The following ARFIP1 variants were observed in gnomAD, a reference collection of about 807,000 sequenced individuals.
ARFIP1 encodes the protein arfaptin-1.
Under a neutral mutation model 42.5 loss-of-function variants are expected in ARFIP1, and 24 were observed. The ratio of observed to expected loss-of-function variants is 0.57; its 90% CI spans 0.41 to 0.80. The LOEUF is 0.80. Among genes scored for constraint, ARFIP1 ranks in the 30% least tolerant of loss-of-function variants. The pLI is 0.00. For missense variants in ARFIP1, 354 were observed against 434.0 expected, an observed-to-expected ratio of 0.82 and a Z score of 1.64; for synonymous variants, 141 against 153.7, an observed-to-expected ratio of 0.92 and a Z score of 0.61.
At position 152,819,003 on chromosome 4, in the gene ARFIP1, AC is replaced by A. The variant is rs1373096797; in HGVS notation, c.-9-10619del. Among the ~76,000 whole-genome samples, 12 of 152,068 alleles carry A rather than the reference AC, an allele frequency of 7.9e-5. No homozygotes were observed. The East Asian group carries it at 1.7e-3, about 22-fold the overall frequency. ...GGGAGCCAGAGAAAGGACTTGCCTG[AC>A]CCAGCCCCCACCCAGCTTTGCTCCT... On this transcript the variant is annotated intron_variant, in intron 1 of 8. Transcript: ENST00000353617.
intron 1 of ARFIP1, among the ~76,000 whole-genome samples, chr4:152,789,982 A>G (rs1046900452): frequency 1.3e-5 from 2 of 152,170 alleles, no homozygotes; most frequent in Non-Finnish European, 2.9e-5. Flanking sequence ...TTAGAAACCA[A>G]TATCTGGGCA....
intron 6 of ARFIP1, 44 bp from the exon 7 acceptor site, chr4:152,882,679 A>G (rs779665093): frequency 6.4e-7 from 1 of 1,565,356 alleles, no homozygotes; most frequent in South Asian, 1.1e-5. Flanking sequence ...AGTCACTTTT[A>G]CTGATTTATT....
intron 8 of ARFIP1, among the ~76,000 whole-genome samples, chr4:152,896,420 T>TA (rs1737331735): frequency 6.6e-6 from 1 of 152,062 alleles, no homozygotes; most frequent in South Asian, 2.1e-4. Flanking sequence ...TGCAGCTATT[T>TA]AAAAAAATGA....
At chr4:152,870,901 C>CT in intron 4 of ARFIP1, 53 bp downstream of exon 4, 1 of 1,429,228 alleles carries the variant, frequency 7.0e-7, no homozygotes, top group Non-Finnish European at 9.8e-7. Flanking sequence ...TGAAGCTACA[C>CT]TAATTTACTC....
At chr4:152,899,074 C>G (rs1207011897) in intron 8 of ARFIP1, among the ~76,000 whole-genome samples, 1 of 152,200 alleles carries the variant, frequency 6.6e-6, no homozygotes, top group Admixed American at 6.5e-5. Context: ...TCCAGCAGAT[C>G]TGGATACCTG....
intron 3 of ARFIP1, 96 bp downstream of exon 3, chr4:152,863,810 TTTCATTCTGTGATAAAACATTGATTATAA>T: frequency 1.4e-6 from 1 of 705,170 alleles, no homozygotes. Context: ...AATGGAGCCC[TTTCATTCTGTGATAAAACATTGATTATAA>T]ATGTATTCCT....
intron 5 of ARFIP1, among the ~76,000 whole-genome samples, chr4:152,879,200 T>C (rs1397661679): frequency 2.0e-5 from 3 of 152,102 alleles, no homozygotes; most frequent in Admixed American, 6.5e-5. Context: ...AAAAAAAGTT[T>C]ATAAGGCTCC....
chr4:152,907,863 T>C (rs911501980), intron 8 of ARFIP1, among the ~76,000 whole-genome samples: 8 of 152,236 alleles, frequency 5.3e-5, no homozygotes, highest in African/African-American at 1.9e-4. Flanking sequence ...ACATGTTTCA[T>C]GAAACACACA....
At chr4:152,843,774 C>T (rs1039170964) in intron 2 of ARFIP1, among the ~76,000 whole-genome samples, 8 of 152,188 alleles carry the variant, frequency 5.3e-5, no homozygotes, top group African/African-American at 1.7e-4. Flanking sequence ...TGTGCCCCCA[C>T]CAACAGCCCT....
At chr4:152,872,350 T>C (rs999267839) in intron 4 of ARFIP1, 102 bp from the exon 5 acceptor site, 2 of 751,426 alleles carry the variant, frequency 2.7e-6, no homozygotes, top group African/African-American at 3.7e-5. Context: ...TTTTTCTTTT[T>C]TTAGATGCAT....
At chr4:152,901,595 A>G (rs1006943587) in intron 8 of ARFIP1, among the ~76,000 whole-genome samples, 1 of 152,196 alleles carries the variant, frequency 6.6e-6, no homozygotes, top group African/African-American at 2.4e-5. Flanking sequence ...TGTTTCTGAT[A>G]TTAGGTTTTC....
intron 7 of ARFIP1, 90 bp from the exon 8 acceptor site, chr4:152,888,043 T>C (rs1297953718): frequency 6.3e-6 from 6 of 953,488 alleles, no homozygotes; most frequent in Non-Finnish European, 9.4e-6. Flanking sequence ...TATTGTATAG[T>C]ATGAGACTGA....
rs769693021 is a variant in ARFIP1, at chr4:152,872,454, G to A, written c.301G>A (p.Gly101Ser). 1.9e-6 allele frequency: 3 copies of A among 1,597,334 alleles called. No homozygotes were observed. In the South Asian group the frequency reaches 3.4e-5, roughly 18 times the overall value. Residue 101 changes from glycine (G) to serine (S), a missense_variant and splice_region_variant, in exon 5 of 9, where the codon GGC becomes AGC. Physicochemically the swap from Gly to Ser is moderately conservative, Grantham distance 56 (BLOSUM62 0). Transcript: ENST00000353617. ...QGSDLIVPAG[G>S]QRTQTKSGPV... Reference sequence around the variant, plus strand: ...TTTTATCTTTTGTTATCTTGCAGGTGGCCAGAGAACACAGACAAAAAGTGG... The same window carrying A: ...TTTTATCTTTTGTTATCTTGCAGGTAGCCAGAGAACACAGACAAAAAGTGG...
At chr4:152,785,217 G>T (rs1412908807) in intron 1 of ARFIP1, among the ~76,000 whole-genome samples, 1 of 152,190 alleles carries the variant, frequency 6.6e-6, no homozygotes, top group Non-Finnish European at 1.5e-5. Context: ...ATGTTACTCT[G>T]TTTAATACCT....
chr4:152,844,606 A>G (rs908921934), intron 2 of ARFIP1, among the ~76,000 whole-genome samples: 2 of 152,102 alleles, frequency 1.3e-5, no homozygotes, highest in Non-Finnish European at 1.5e-5. Flanking sequence ...TCAGTGGGCA[A>G]GCCTCCATAG....
chr4:152,905,495 A>AT (rs1180423720), intron 8 of ARFIP1, among the ~76,000 whole-genome samples: 4 of 120,076 alleles, frequency 3.3e-5, no homozygotes, highest in Non-Finnish European at 5.2e-5. Flanking sequence ...GTCTGTTCAA[A>AT]TTTTTTACCT....
intron 2 of ARFIP1, among the ~76,000 whole-genome samples, chr4:152,844,974 A>G (rs1342035055): frequency 1.3e-5 from 2 of 152,208 alleles, no homozygotes; most frequent in Non-Finnish European, 2.9e-5. Flanking sequence ...ATAAGGCTAT[A>G]GTAACCAAAA....
At chr4:152,795,820 A>ATGTTTTTTTTTTTTT (rs1731416494) in intron 1 of ARFIP1, among the ~76,000 whole-genome samples, 1 of 28,066 alleles carries the variant, frequency 3.6e-5, no homozygotes, top group Non-Finnish European at 6.2e-5. Context: ...GGCCCTTGTA[A>ATGTTTTTTTTTTTTT]TTTTTTTTTT....
chr4:152,893,993 G>A (rs1219779846), intron 8 of ARFIP1, among the ~76,000 whole-genome samples: 3 of 151,846 alleles, frequency 2.0e-5, no homozygotes, highest in Non-Finnish European at 2.9e-5. Flanking sequence ...CGAGGTGGAC[G>A]GATCACTTGA....
Sources: allele counts gnomAD v4.1 joint callset (sites outside exome capture counted in the v4.1 genomes callset), GRCh38; gene constraint gnomAD v4.1.1; transcripts MANE v1.5; gene names NCBI Gene and HGNC (gene_info 2026-07-23, HGNC 2026-07-21).